The following ADGRB1 variants were observed in gnomAD, a reference collection of about 807,000 sequenced individuals.
The protein encoded by ADGRB1 is brain-specific angiogenesis inhibitor 1.
In ADGRB1, 36 loss-of-function variants were observed where a neutral mutation model predicts 175.7. The ratio of observed to expected loss-of-function variants is 0.20; its 90% CI spans 0.16 to 0.27. ADGRB1 has a LOEUF of 0.27. Among genes scored for constraint, ADGRB1 ranks in the 10% least tolerant of loss-of-function variants. The pLI is 1.00. For missense variants in ADGRB1, 1,731 were observed against 2,255.3 expected (o/e 0.77, Z 4.71); for synonymous variants, 1,054 against 979.4 (o/e 1.08, Z -1.42).
At chr8:142,531,303 T>G (rs557939764) in intron 24 of ADGRB1, among the ~76,000 whole-genome samples, 71 of 152,352 alleles carry the variant, frequency 4.7e-4, no homozygotes, top group African/African-American at 1.6e-3. Context: ...TGAATATTGA[T>G]GGAGGGCCTC....
intron 17 of ADGRB1, among the ~76,000 whole-genome samples, chr8:142,509,886 G>C (rs946151278): frequency 1.3e-5 from 2 of 152,198 alleles, no homozygotes; most frequent in Non-Finnish European, 2.9e-5. Flanking sequence ...AGGACCTTGG[G>C]TGGGGCTGGG....
intron 18 of ADGRB1, among the ~76,000 whole-genome samples, chr8:142,516,471 G>A (rs1205844837): frequency 2.2e-5 from 3 of 135,942 alleles, no homozygotes; most frequent in East Asian, 2.2e-4. Context: ...GGCCCCAGAT[G>A]TGTGTGTGTG....
rs1368734560 is a variant in ADGRB1 at position 142,543,574 on chromosome 8, G to A, written c.4450-27G>A. ...GGGCCATGCCCTCCTCCTGGCCCAG[G>A]ACTCACTGCCCAGACCCCGCCTGCA... On this transcript the variant is annotated intron_variant, in intron 29 of 30. Coordinates refer to ENST00000517894, the MANE Select transcript of ADGRB1 (RefSeq NM_001702.3). The surrounding 1 kb of genome is among the most constrained non-coding windows in gnomAD (Gnocchi z 4.4). The A allele has an allele frequency of 6.4e-7, 1 of 1,571,272 alleles. No homozygotes were observed. Among genetic ancestry groups the A allele is most frequent in the African/African-American group, 1.4e-5 (1 of 73,636 alleles).
chr8:142,542,466 C>T lies in ADGRB1; in HGVS notation c.4232C>T (p.Pro1411Leu). Residue 1411 changes from proline to leucine, a missense_variant, in exon 28 of 31, where the codon CCC (proline) becomes CTC (leucine). Pro to Leu is a moderately conservative substitution (Grantham distance 98, BLOSUM62 -3). This residue lies in a region of ADGRB1 where 394 missense variants were observed against 410.2 expected (regional missense o/e 0.96). Transcript: ENST00000517894. This position sits in a 1 kb window ranked among gnomAD's most constrained non-coding sequence, Gnocchi z 6.3. ...CCCCCCGAGGCACCCCCTGCCCAGC[C>T]CCCACCGCCTCCGCCCCCACCGCCA... ...GGPPEAPPAQ[P>L]PPPPPPPPPP... 1 of 1,322,060 alleles carries T rather than the reference C, an allele frequency of 7.6e-7. No homozygotes were observed. The highest frequency in any genetic ancestry group is 9.9e-7 in the Non-Finnish European group (1 of 1,008,756). 81.9% of individuals were successfully genotyped at this position (1,322,060 alleles called of 1,614,324 possible). A position where few individuals can be genotyped will look rare whatever the true frequency, so the allele number is the denominator to read the frequency against.
chr8:142,470,953 G>A (rs1330374802), intron 2 of ADGRB1, among the ~76,000 whole-genome samples: 1 of 152,174 alleles, frequency 6.6e-6, no homozygotes, highest in Non-Finnish European at 1.5e-5. Flanking sequence ...TCTGGGGTGT[G>A]CAGGGGCAGA....
intron 2 of ADGRB1, among the ~76,000 whole-genome samples, chr8:142,465,516 G>C (rs368677479): frequency 7.6e-4 from 115 of 152,126 alleles, no homozygotes; most frequent in African/African-American, 2.7e-3. Flanking sequence ...ATGAGGTTTC[G>C]GGTTGAGTAT....
chr8:142,465,140 C>T (rs1312474011), intron 2 of ADGRB1, among the ~76,000 whole-genome samples, 158 bp downstream of exon 2: 1 of 152,094 alleles, frequency 6.6e-6, no homozygotes, highest in East Asian at 1.9e-4. Flanking sequence ...GGGTCTTCTT[C>T]CGCAGGGCTG....
In ADGRB1 at chr8:142,484,710, A is replaced by T. The variant is rs371264237; in HGVS notation, c.2254A>T (p.Ile752Phe). The change falls in exon 13 of 31, where the codon ATC becomes TTC. Residue 752 changes from isoleucine (I) to phenylalanine (F), a missense_variant. Transcript: ENST00000517894. ...GCTGGTGGAGGACTTTGTGGACGTC[A>T]TCGGCTTCCGCATGAAGGACCTGAG... is the stretch of plus-strand genomic sequence containing the variant. Reference protein sequence around the residue: ...FRLVEDFVDVIGFRMKDLRDA... With the variant: ...FRLVEDFVDVFGFRMKDLRDA... 6.2e-7 allele frequency: 1 copy of T among 1,612,320 alleles called. No individual in the cohort carries two copies. The highest frequency in any genetic ancestry group is 8.5e-7 in the Non-Finnish European group (1 of 1,179,386).
chr8:142,452,305 T>TG (rs1839398004), intron 1 of ADGRB1, among the ~76,000 whole-genome samples: 1 of 152,068 alleles, frequency 6.6e-6, no homozygotes, highest in African/African-American at 2.4e-5. Flanking sequence ...GGCGCTGCGC[T>TG]GGGGGGCTCG....
chr8:142,534,356 G>T (rs374547922), intron 25 of ADGRB1, among the ~76,000 whole-genome samples: 1 of 152,196 alleles, frequency 6.6e-6, no homozygotes, highest in African/African-American at 2.4e-5. Flanking sequence ...CTTGGCCTCC[G>T]CGGCCTGGGC....
In ADGRB1 at chr8:142,533,238, C is replaced by T. The variant is rs565158244; in HGVS notation, c.3399-57C>T. 9.9e-5 allele frequency: 142 copies of T among 1,441,400 alleles called. No homozygotes were observed. In the African/African-American group the frequency reaches 1.8e-3, roughly 18 times the overall value. The allele number at this position is 1,441,400 out of a possible 1,614,324, so 89.3% of individuals were successfully genotyped here. A position where few individuals can be genotyped will look rare whatever the true frequency, so the allele number is the denominator to read the frequency against. ...AGGCCTGGAGATGCAGGGTTCAGGG[C>T]AGGGTGTCCCTGGGGGCAGGGGCGG... is the stretch of plus-strand genomic sequence containing the variant. On this transcript the variant is annotated intron_variant, in intron 24 of 30. Coordinates refer to ENST00000517894, the MANE Select transcript of ADGRB1 (RefSeq NM_001702.3).
chr8:142,488,528 A>T, intron 14 of ADGRB1, 21 bp downstream of exon 14: 10 of 1,607,304 alleles, frequency 6.2e-6, no homozygotes, highest in Non-Finnish European at 8.5e-6. Flanking sequence ...CAGGGAGTGG[A>T]GGGGGACCTT....
rs1303786803 is a variant in ADGRB1 at position 142,493,000 on chromosome 8, G to A, written c.2675+2185G>A. ...CAGCCCCTGCTGGTGGCCTTCAGGA[G>A]CCTTCCCTCTCTACCAGCATAAATG... On this transcript the variant is annotated intron_variant, in intron 17 of 30. Coordinates refer to ENST00000517894, the MANE Select transcript of ADGRB1 (RefSeq NM_001702.3). This position sits in a 1 kb window ranked among gnomAD's most constrained non-coding sequence, Gnocchi z 4.4. Among the ~76,000 whole-genome samples, 5 of 152,020 alleles carry A rather than the reference G, an allele frequency of 3.3e-5. No individual in the cohort carries two copies. The highest frequency in any genetic ancestry group is 1.2e-4 in the African/African-American group (5 of 41,416).
At chr8:142,515,240 G>A (rs1244200884) in intron 18 of ADGRB1, among the ~76,000 whole-genome samples, 1 of 152,176 alleles carries the variant, frequency 6.6e-6, no homozygotes, top group African/African-American at 2.4e-5. Context: ...GGGCCGCGCT[G>A]TGCCTGGCTT....
chr8:142,453,186 A>G (rs889599922), intron 1 of ADGRB1, among the ~76,000 whole-genome samples: 31 of 151,936 alleles, frequency 2.0e-4, no homozygotes, highest in Non-Finnish European at 1.5e-5. Flanking sequence ...GCTGGTGTCC[A>G]TGTGTGGCGC....
At chr8:142,518,328 G>A in intron 19 of ADGRB1, 87 bp downstream of exon 19, 1 of 1,412,572 alleles carries the variant, frequency 7.1e-7, no homozygotes, top group East Asian at 2.3e-5. Flanking sequence ...CGGGGTCGTG[G>A]GTGCCCCTCC....
intron 24 of ADGRB1, among the ~76,000 whole-genome samples, chr8:142,529,598 A>G (rs368623972): frequency 2.7e-5 from 4 of 147,754 alleles, no homozygotes; most frequent in African/African-American, 7.5e-5. Flanking sequence ...GCGTGCATGT[A>G]TGTGTGTGAG....
At position 142,537,107 on chromosome 8, in the gene ADGRB1, A is replaced by T; in HGVS notation, c.3666+25A>T. On this transcript the variant is annotated intron_variant, in intron 26 of 30. Coordinates refer to ENST00000517894, the MANE Select transcript of ADGRB1 (RefSeq NM_001702.3). The surrounding 1 kb of genome is among the most constrained non-coding windows in gnomAD (Gnocchi z 4.6). ...GGTAGGACTCAGGGCCCGGGGACTC[A>T]GGCTGCCCTACCTGCCTCGTACCCC... 1 of 1,446,888 alleles carries T rather than the reference A, an allele frequency of 6.9e-7. No individual in the cohort carries two copies. Among genetic ancestry groups the T allele is most frequent in the Non-Finnish European group, 9.1e-7 (1 of 1,094,596 alleles). The allele number at this position is 1,446,888 out of a possible 1,614,324, so 89.6% of individuals were successfully genotyped here.
At chr8:142,484,319 A>C (rs980065073) in intron 12 of ADGRB1, among the ~76,000 whole-genome samples, 2 of 152,222 alleles carry the variant, frequency 1.3e-5, no homozygotes, top group African/African-American at 4.8e-5. Flanking sequence ...CAGCTGGGAC[A>C]TAGAGCCCTC....
Sources: gnomAD v4.1 joint callset for allele counts (sites outside exome capture counted in the v4.1 genomes callset) on GRCh38, gnomAD v4.1.1 for gene constraint, gnomAD v4.1.1 regional missense constraint, Gnocchi (gnomAD v3.1) non-coding constraint, MANE v1.5 for transcripts, NCBI Gene and HGNC (gene_info 2026-07-23, HGNC 2026-07-21) for gene names.